Variants in SCN4A observed in about 807,000 individuals in gnomAD.
SCN4A encodes the protein sodium voltage-gated channel alpha subunit 4, also known as sodium channel protein type 4 subunit alpha.
Under a neutral mutation model 162.0 loss-of-function variants are expected in SCN4A, and 83 were observed. That is an observed-to-expected ratio of 0.51 (90% CI 0.43 to 0.61). The LOEUF (loss-of-function observed/expected upper bound fraction) is 0.61. SCN4A is among the 20% of genes least tolerant of loss of function. The pLI, the probability that SCN4A is intolerant of heterozygous loss-of-function variation, is 0.00. For missense variants in SCN4A, 2,196 were observed against 2,462.5 expected (o/e 0.89, Z 2.29); for synonymous variants, 944 against 985.1 (o/e 0.96, Z 0.78).
chr17:63,954,338 C>T (rs556669664), intron 13 of SCN4A, among the ~76,000 whole-genome samples: 1 of 152,162 alleles, frequency 6.6e-6, no homozygotes, highest in Non-Finnish European at 1.5e-5. Flanking sequence ...TCTGCCTTTG[C>T]CCCCCACCAA....
intron 10 of SCN4A, chr17:63,961,649 C>G: frequency 2.6e-6 from 1 of 387,790 alleles, no homozygotes; most frequent in South Asian, 2.5e-5. Flanking sequence ...CCCAAAGCCC[C>G]GCGCTCTGAG....
At chr17:63,967,432 C>T (rs1004144181) in intron 6 of SCN4A, among the ~76,000 whole-genome samples, 1 of 151,314 alleles carries the variant, frequency 6.6e-6, no homozygotes, top group Non-Finnish European at 1.5e-5. Context: ...GGATTACAGG[C>T]GTGAGCCACC....
chr17:63,942,260 TGTGTGTGTGTGTGTG>T, intron 23 of SCN4A, among the ~76,000 whole-genome samples: 2 of 70,332 alleles, frequency 2.8e-5, no homozygotes, highest in African/African-American at 7.3e-5. Flanking sequence ...ATGCCACTGG[TGTGTGTGTGTGTGTG>T]TGTGTGTGTG....
At position 63,945,624 on chromosome 17, in the gene SCN4A, G is replaced by T. The variant is rs746710221; in HGVS notation, c.3456C>A (p.Ala1152=). 9 of 1,613,774 alleles carry T rather than the reference G, an allele frequency of 5.6e-6. No homozygotes were observed. The East Asian group carries it at 1.8e-4, about 32-fold the overall frequency. Residue 1152 remains alanine, a synonymous_variant, in exon 19 of 24, where the codon GCC becomes GCA. Transcript: ENST00000435607. This position sits in a 1 kb window ranked among gnomAD's most constrained non-coding sequence, Gnocchi z 4.4. The stretch of plus-strand genomic sequence containing the variant: ...TGATGGAGGGGATGGCGCCTAGGAG[G>T]GCGTTCACCACCACCTGGGGGCCAG... ...RFEGMRVVVN[A]LLGAIPSIMN...
chr17:63,941,979 C>A lies in SCN4A; in HGVS notation c.4303G>T (p.Asp1435Tyr). 2 of 1,576,378 alleles carry A rather than the reference C, an allele frequency of 1.3e-6. No homozygotes were observed. Among genetic ancestry groups the A allele is most frequent in the South Asian group, 1.2e-5 (1 of 84,266 alleles). The change falls in exon 24 of 24, where the codon GAC becomes TAC. Residue 1435 changes from aspartate to tyrosine, a missense_variant. Physicochemically the swap from Asp to Tyr is radical, Grantham distance 160. Coordinates refer to ENST00000435607, the MANE Select transcript of SCN4A (RefSeq NM_000334.4). This position sits in a 1 kb window ranked among gnomAD's most constrained non-coding sequence, Gnocchi z 6.2. ...ILSIVGLALS[D>Y]LIQKYFVSPT... is the part of the protein sequence containing the mutation. ...GACACGAAGTACTTCTGGATCAGGT[C>A]AGAGAGGGCAAGGCCTGCGGGGAGA...
At position 63,939,367 on chromosome 17, in the gene SCN4A, CACACATATAT is replaced by C. The variant is rs112489358; in HGVS notation, c.*1394_*1403del. The stretch of plus-strand genomic sequence containing the variant: ...CCATGGACCTTGAAACAGTCCAGGG[CACACATATAT>C]ACACATATATACAAAGATACCCAGA... On this transcript the variant is annotated 3_prime_UTR_variant, in exon 24 of 24. Coordinates refer to ENST00000435607, the MANE Select transcript of SCN4A (RefSeq NM_000334.4). The C allele has an allele frequency of 4.0e-5, 6 of 151,432 alleles. No homozygotes were observed. Among genetic ancestry groups the C allele is most frequent in the African/African-American group, 1.5e-4 (6 of 41,316 alleles). 9.4% of individuals were successfully genotyped at this position (151,432 alleles called of 1,614,324 possible). A position where few individuals can be genotyped will look rare whatever the true frequency, so the allele number is the denominator to read the frequency against.
At chr17:63,959,597 G>A (rs2144795941) in intron 11 of SCN4A, among the ~76,000 whole-genome samples, 159 bp from the exon 12 acceptor site, 1 of 152,316 alleles carries the variant, frequency 6.6e-6, no homozygotes, top group Non-Finnish European at 1.5e-5. Context: ...GCCCGTGTGT[G>A]TATAAGTGAG....
In SCN4A at chr17:63,951,372, G is replaced by A. The variant is rs1908900079; in HGVS notation, c.2853+52C>T. 7.6e-7 allele frequency: 1 copy of A among 1,313,986 alleles called. No homozygotes were observed. Among genetic ancestry groups the A allele is most frequent in the Non-Finnish European group, 1.1e-6 (1 of 950,274 alleles). 81.4% of individuals were successfully genotyped at this position (1,313,986 alleles called of 1,614,324 possible). A position where few individuals can be genotyped will look rare whatever the true frequency, so the allele number is the denominator to read the frequency against. On this transcript the variant is annotated intron_variant, in intron 14 of 23. Coordinates refer to ENST00000435607, the MANE Select transcript of SCN4A (RefSeq NM_000334.4). This position sits in a 1 kb window ranked among gnomAD's most constrained non-coding sequence, Gnocchi z 4.5. ...CAGAGAGGACTTAGGGCTTGCTCCA[G>A]GTCACAGGAGAATTTGAAGCCGGGT...
At chr17:63,952,689 C>T (rs12386045) in intron 13 of SCN4A, among the ~76,000 whole-genome samples, 5,826 of 152,098 alleles carry the variant, frequency 0.038, 353 homozygotes, top group African/African-American at 0.13. Context: ...TTGGGGTTTC[C>T]GACTCCATCT....
rs1555604867 is a variant in SCN4A at position 63,971,221 on chromosome 17, A to G, written c.644T>C (p.Ile215Thr). 1 of 1,410,138 alleles carries G rather than the reference A, an allele frequency of 7.1e-7. No homozygotes were observed. Among genetic ancestry groups the G allele is most frequent in the Non-Finnish European group, 9.5e-7 (1 of 1,057,624 alleles). The allele number at this position is 1,410,138 out of a possible 1,614,324, so 87.4% of individuals were successfully genotyped here. Reference sequence around the variant, plus strand: ...CACCCGGAAGGTCCTCAGGGCTGAGATGTTGCCCAAGTCCACAAACTCTGT... The same window carrying G: ...CACCCGGAAGGTCCTCAGGGCTGAGGTGTTGCCCAAGTCCACAAACTCTGT... The part of the protein sequence containing the change: ...YLTEFVDLGN[I>T]SALRTFRVLR... The change falls in exon 5 of 24, where the codon ATC (isoleucine) becomes ACC (threonine). Residue 215 changes from isoleucine to threonine, a missense_variant. Transcript: ENST00000435607.
chr17:63,944,864 C>T lies in SCN4A; in HGVS notation c.3775-54G>A, dbSNP rs2144778621. On this transcript the variant is annotated intron_variant, in intron 20 of 23. Transcript: ENST00000435607. The surrounding 1 kb of genome is among the most constrained non-coding windows in gnomAD (Gnocchi z 4.3). ...GGGTTTGCACGCTGGCTTCTCCCTG[C>T]CCCCCACAGCCCTGAGGGCAGGACC... is the stretch of plus-strand genomic sequence containing the variant. 6.2e-7 allele frequency: 1 copy of T among 1,602,444 alleles called. No homozygotes were observed. Among genetic ancestry groups the T allele is most frequent in the South Asian group, 1.1e-5 (1 of 89,624 alleles).
At chr17:63,948,226 G>C (rs1227551596) in intron 16 of SCN4A, among the ~76,000 whole-genome samples, 163 bp from the exon 17 acceptor site, 1 of 152,102 alleles carries the variant, frequency 6.6e-6, no homozygotes, top group Non-Finnish European at 1.5e-5. Flanking sequence ...ACCCATCATG[G>C]GGATGAGAGC....
At chr17:63,943,140 A>G in intron 22 of SCN4A, 44 bp from the exon 23 acceptor site, 1 of 1,583,058 alleles carries the variant, frequency 6.3e-7, no homozygotes, top group South Asian at 1.2e-5. Flanking sequence ...TGGGGTGGCC[A>G]GGCCCAGACA....
intron 13 of SCN4A, among the ~76,000 whole-genome samples, chr17:63,956,842 G>A (rs936776397): frequency 1.3e-5 from 2 of 152,186 alleles, no homozygotes; most frequent in Admixed American, 6.5e-5. Context: ...TTCCAACAGC[G>A]CTACTCATAG....
In SCN4A at chr17:63,947,180, G is replaced by A. The variant is rs1567818826; in HGVS notation, c.3319-13C>T. On this transcript the variant is annotated splice_polypyrimidine_tract_variant and intron_variant, in intron 17 of 23. Coordinates refer to ENST00000435607, the MANE Select transcript of SCN4A (RefSeq NM_000334.4). ...TGATGATGGAGACCTGCAGGGGAGG[G>A]GTGAGGGGATCAGTGCGTGCAAGGC... is the stretch of plus-strand genomic sequence containing the variant. 1.2e-6 allele frequency: 2 copies of A among 1,612,720 alleles called. No individual in the cohort carries two copies. Among genetic ancestry groups the A allele is most frequent in the Non-Finnish European group, 1.7e-6 (2 of 1,179,772 alleles).
chr17:63,969,909 C>T (rs1909565323), intron 5 of SCN4A, among the ~76,000 whole-genome samples: 1 of 152,130 alleles, frequency 6.6e-6, no homozygotes, highest in African/African-American at 2.4e-5. Flanking sequence ...TCCCAAAGTG[C>T]TGGGATTACA....
rs1598406584 is a variant in SCN4A, at chr17:63,945,283, G to A, written c.3720+77C>T. On this transcript the variant is annotated intron_variant, in intron 19 of 23. Transcript: ENST00000435607. The surrounding 1 kb of genome is among the most constrained non-coding windows in gnomAD (Gnocchi z 4.4). ...GTCCCCTAACCAGGAGTGACACTGGGGTTGGGTACAACGAGAGGACCGGGG... is the reference window on the plus strand; with the variant it reads ...GTCCCCTAACCAGGAGTGACACTGGAGTTGGGTACAACGAGAGGACCGGGG... 5.5e-6 allele frequency: 7 copies of A among 1,272,270 alleles called. No homozygotes were observed. In the East Asian group the frequency reaches 1.5e-4, roughly 27 times the overall value. 78.8% of individuals were successfully genotyped at this position (1,272,270 alleles called of 1,614,324 possible).
rs1909106221 is a variant in SCN4A, at chr17:63,957,456, G to A, written c.2082C>T (p.Gly694=). Residue 694 remains glycine (G), a synonymous_variant, in exon 13 of 24, where the codon GGC becomes GGT. Coordinates refer to ENST00000435607, the MANE Select transcript of SCN4A (RefSeq NM_000334.4). The part of the protein sequence containing the change: ...PTLNMLIKII[G]NSVGALGNLT... Reference sequence around the variant, plus strand: ...GGTTACCCAGCGCCCCCACTGAATTGCCAATGATCTTGATGAGCATGTTCA... The same window carrying A: ...GGTTACCCAGCGCCCCCACTGAATTACCAATGATCTTGATGAGCATGTTCA... 6.2e-7 allele frequency: 1 copy of A among 1,613,886 alleles called. No individual in the cohort carries two copies. The highest frequency in any genetic ancestry group is 1.7e-5 in the Admixed American group (1 of 60,000).
At chr17:63,959,481 C>A in intron 11 of SCN4A, 43 bp from the exon 12 acceptor site, 1 of 1,590,144 alleles carries the variant, frequency 6.3e-7, no homozygotes. Context: ...CTCGGGGAGC[C>A]CAGGGCCCTG....
Sources: gnomAD v4.1 joint callset for allele counts (sites outside exome capture counted in the v4.1 genomes callset) on GRCh38, gnomAD v4.1.1 for gene constraint, Gnocchi (gnomAD v3.1) non-coding constraint, MANE v1.5 for transcripts, NCBI Gene and HGNC (gene_info 2026-07-23, HGNC 2026-07-21) for gene names.